FAM110B: variants seen among roughly 807,000 people sequenced by gnomAD.
FAM110B encodes the protein protein FAM110B.
In FAM110B, 6 loss-of-function variants were observed where a neutral mutation model predicts 20.4. The ratio of observed to expected loss-of-function variants is 0.29; its 90% CI spans 0.16 to 0.58. The LOEUF (loss-of-function observed/expected upper bound fraction) is 0.58, where lower values mean the gene tolerates loss of function less well. Among genes scored for constraint, FAM110B ranks in the 20% least tolerant of loss-of-function variants. The pLI is 0.90. For missense variants in FAM110B, 434 were observed against 498.2 expected, an observed-to-expected ratio of 0.87 and a Z score of 1.23; for synonymous variants, 226 against 214.1, an observed-to-expected ratio of 1.06 and a Z score of -0.49.
intron 3 of FAM110B, among the ~76,000 whole-genome samples, chr8:58,111,431 G>A (rs537209979): frequency 6.6e-6 from 1 of 152,262 alleles, no homozygotes; most frequent in East Asian, 1.9e-4. Context: ...ACAAATAATT[G>A]TGAGAGGTTG....
At chr8:58,137,760 C>T (rs1006455076) in intron 3 of FAM110B, among the ~76,000 whole-genome samples, 19 of 152,266 alleles carry the variant, frequency 1.2e-4, no homozygotes, top group East Asian at 3.9e-4. Context: ...GTTCTTTTTC[C>T]GTGCCCTAAG....
intron 1 of FAM110B, among the ~76,000 whole-genome samples, chr8:58,017,269 T>C (rs1804658270): frequency 6.6e-6 from 1 of 152,238 alleles, no homozygotes; most frequent in African/African-American, 2.4e-5. Flanking sequence ...GTCTGCATTT[T>C]ATAGATAAGA....
At position 58,079,013 on chromosome 8, in the gene FAM110B, TGGTCCTCCAGAATGAGA is replaced by T. The variant is rs371242180; in HGVS notation, c.-325+3394_-325+3410del. Among the ~76,000 whole-genome samples the T allele has an allele frequency of 4.2e-3, 634 of 152,272 alleles. 6 individuals carry two copies. Among genetic ancestry groups the T allele is most frequent in the African/African-American group, 0.015 (607 of 41,558 alleles). On this transcript the variant is annotated intron_variant, in intron 3 of 3. Transcript: ENST00000519262. ...TTTCCAACTCGGTGTTTCCTAAAGC[TGGTCCTCCAGAATGAGA>T]GGTTTGTACCTTGTCAATGACTCAT...
At chr8:58,067,243 G>T (rs1805791114) in intron 2 of FAM110B, among the ~76,000 whole-genome samples, 1 of 152,184 alleles carries the variant, frequency 6.6e-6, no homozygotes. Context: ...ATGCAATGAG[G>T]CAGACGGTTT....
At chr8:58,039,940 TA>T (rs1218683349) in intron 2 of FAM110B, among the ~76,000 whole-genome samples, 2 of 152,198 alleles carry the variant, frequency 1.3e-5, no homozygotes, top group East Asian at 3.8e-4. Context: ...GTGTGGTCTC[TA>T]ATTTTTAAAT....
intron 2 of FAM110B, among the ~76,000 whole-genome samples, chr8:58,059,958 A>T (rs1805622756): frequency 6.6e-6 from 1 of 152,042 alleles, no homozygotes; most frequent in Non-Finnish European, 1.5e-5. Flanking sequence ...TTTAATATAT[A>T]TCCAATTCCT....
At chr8:58,017,341 A>G (rs7841370) in intron 1 of FAM110B, among the ~76,000 whole-genome samples, 27,992 of 152,210 alleles carry the variant, frequency 0.18, 3,535 homozygotes, top group African/African-American at 0.35. Context: ...TAGCAGGGCT[A>G]CATCTGTGTG....
intron 1 of FAM110B, among the ~76,000 whole-genome samples, chr8:58,002,571 A>G (rs942086262): frequency 2.0e-5 from 3 of 152,184 alleles, no homozygotes; most frequent in African/African-American, 7.2e-5. Flanking sequence ...GACAGTATCT[A>G]CTGGCATACC....
chr8:58,140,267 T>C (rs542872243), intron 3 of FAM110B, among the ~76,000 whole-genome samples: 1 of 152,258 alleles, frequency 6.6e-6, no homozygotes, highest in South Asian at 2.1e-4. Flanking sequence ...AAACATCTCT[T>C]GAAACTGTCC....
chr8:58,146,274 T>A lies in FAM110B; in HGVS notation c.44T>A (p.Val15Asp). ...TLQTGSMVKP[V>D]SPAGTFTSAV... ...CAGACAGGTAGCATGGTGAAGCCGG[T>A]CAGCCCCGCGGGCACCTTCACCTCT... Residue 15 changes from valine to aspartate, a missense_variant, in exon 4 of 4, where the codon GTC becomes GAC. Val to Asp is a radical substitution (Grantham distance 152). This residue lies in a region of FAM110B where 56 missense variants were observed against 82.1 expected (regional missense o/e 0.68). Coordinates refer to ENST00000519262, the MANE Select transcript of FAM110B (RefSeq NM_001377989.1). The A allele has an allele frequency of 6.2e-7, 1 of 1,612,378 alleles. No homozygotes were observed. Among genetic ancestry groups the A allele is most frequent in the Non-Finnish European group, 8.5e-7 (1 of 1,179,034 alleles).
intron 2 of FAM110B, among the ~76,000 whole-genome samples, chr8:58,058,104 A>T (rs1376669818): frequency 1.3e-5 from 2 of 152,220 alleles, no homozygotes; most frequent in African/African-American, 4.8e-5. Context: ...CTCCCTTATT[A>T]GTTGCAAGGG....
At chr8:58,006,925 T>TATATATATATATATATATG (rs1563494782) in intron 1 of FAM110B, among the ~76,000 whole-genome samples, 6 of 55,808 alleles carry the variant, frequency 1.1e-4, no homozygotes, top group African/African-American at 3.4e-4. Context: ...ATATATATAT[T>TATATATATATATATATATG]TTTCCAAAAC....
chr8:58,004,636 A>G (rs575053011), intron 1 of FAM110B, among the ~76,000 whole-genome samples: 6 of 152,258 alleles, frequency 3.9e-5, no homozygotes, highest in East Asian at 3.9e-4. Flanking sequence ...TCCCAGCTAC[A>G]TGGGAGGCTG....
At chr8:58,087,554 T>A (rs1806368310) in intron 3 of FAM110B, among the ~76,000 whole-genome samples, 1 of 152,174 alleles carries the variant, frequency 6.6e-6, no homozygotes, top group Admixed American at 6.5e-5. Flanking sequence ...CTCCTCTGCC[T>A]CATTCGCCAT....
At chr8:58,005,407 A>T (rs958641209) in intron 1 of FAM110B, among the ~76,000 whole-genome samples, 1 of 152,244 alleles carries the variant, frequency 6.6e-6, no homozygotes. Flanking sequence ...ATAACGAAAA[A>T]GTTTAAAATA....
intron 1 of FAM110B, among the ~76,000 whole-genome samples, chr8:58,007,232 C>T (rs761542757): frequency 1.1e-4 from 16 of 152,074 alleles, no homozygotes; most frequent in Non-Finnish European, 2.1e-4. Flanking sequence ...GAACTGCCCT[C>T]ACAGGTGCTC....
Position 58,078,603 on chromosome 8 carries a change from T to G in FAM110B, c.-325+2980T>G, listed in dbSNP as rs963176595. 4.3e-5 allele frequency among the ~76,000 whole-genome samples: 6 copies of G among 140,646 alleles called. No homozygotes were observed. The East Asian group carries it at 1.2e-3, about 29-fold the overall frequency. The allele number at this position is 140,646 out of a possible 152,430, so 92.3% of individuals were successfully genotyped here. On this transcript the variant is annotated intron_variant, in intron 3 of 3. Transcript: ENST00000519262. The stretch of plus-strand genomic sequence containing the variant: ...TCTGGCTCTGTCACCCAGGCTGGAG[T>G]GCAGTGGTGCGATCTCGGCTCACTG...
intron 2 of FAM110B, among the ~76,000 whole-genome samples, chr8:58,048,137 T>G (rs1335741386): frequency 6.6e-6 from 1 of 152,194 alleles, no homozygotes; most frequent in Admixed American, 6.5e-5. Context: ...GTGAATTGTT[T>G]GGCAAACAGC....
chr8:58,005,136 T>A (rs919488985), intron 1 of FAM110B, among the ~76,000 whole-genome samples: 2 of 152,222 alleles, frequency 1.3e-5, no homozygotes, highest in Admixed American at 1.3e-4. Context: ...GATGTGTGAC[T>A]CTTCCCTTCA....
Sources: allele counts gnomAD v4.1 joint callset (sites outside exome capture counted in the v4.1 genomes callset), GRCh38; gene constraint gnomAD v4.1.1; regional missense constraint gnomAD v4.1.1; transcripts MANE v1.5; gene names NCBI Gene and HGNC (gene_info 2026-07-23, HGNC 2026-07-21).